The following RBFOX1 variants were observed in gnomAD, a reference collection of about 807,000 sequenced individuals.
The protein encoded by RBFOX1 is RNA binding fox-1 homolog 1.
RBFOX1 carries 8 observed loss-of-function variants against 57.7 expected under a neutral mutation model. The ratio of observed to expected loss-of-function variants is 0.14; its 90% CI spans 0.08 to 0.25. The LOEUF (loss-of-function observed/expected upper bound fraction) is 0.25. RBFOX1 is among the 10% of genes least tolerant of loss of function. The pLI is 1.00. For missense variants in RBFOX1, 611 were observed against 548.5 expected (o/e 1.11, Z -1.14); for synonymous variants, 326 against 222.4 (o/e 1.47, Z -4.15).
At chr16:6,218,113 A>G (rs2097347979) in intron 1 of RBFOX1, among the ~76,000 whole-genome samples, 2 of 152,180 alleles carry the variant, frequency 1.3e-5, no homozygotes, top group South Asian at 4.1e-4. Flanking sequence ...TGGTGCTGTT[A>G]GAATGAGTCC....
chr16:6,842,518 G>T (rs1282569197), intron 3 of RBFOX1, among the ~76,000 whole-genome samples: 1 of 151,976 alleles, frequency 6.6e-6, no homozygotes, highest in Non-Finnish European at 1.5e-5. Flanking sequence ...TTTTTATCCT[G>T]CCCTTTTCAG....
In RBFOX1 at chr16:5,366,610, A is replaced by G. The variant is rs532583442; in HGVS notation, c.220-100606A>G. On this transcript the variant is annotated intron_variant, in intron 1 of 2. Transcript: ENST00000585867. The stretch of plus-strand genomic sequence containing the variant: ...TTTTCCCAGAGAGGAAGCAAAGTTC[A>G]TCAATTATGTGAAGAATTGCTTCTG... 2.2e-5 allele frequency: 9 copies of G among 403,698 alleles called. No individual in the cohort carries two copies. In the East Asian group the frequency reaches 5.3e-4, roughly 24 times the overall value. 25.0% of individuals were successfully genotyped at this position (403,698 alleles called of 1,614,324 possible). A position where few individuals can be genotyped will look rare whatever the true frequency, so the allele number is the denominator to read the frequency against.
At chr16:5,350,221 C>G (rs1470530443) in intron 1 of RBFOX1, among the ~76,000 whole-genome samples, 1 of 152,158 alleles carries the variant, frequency 6.6e-6, no homozygotes, top group Non-Finnish European at 1.5e-5. Flanking sequence ...GTGGGAGCCC[C>G]TTTGCCATGA....
chr16:7,389,997 T>A (rs1285407256), intron 4 of RBFOX1, among the ~76,000 whole-genome samples: 3 of 152,146 alleles, frequency 2.0e-5, no homozygotes, highest in Admixed American at 6.5e-5. Context: ...GTACAGGCTC[T>A]GCTTCTGGGG....
intron 8 of RBFOX1, among the ~76,000 whole-genome samples, chr16:7,595,966 T>C (rs539507894): frequency 1.2e-4 from 18 of 151,722 alleles, no homozygotes; most frequent in Non-Finnish European, 1.8e-4. Context: ...ATAGACAGTA[T>C]TGCAAACCAA....
At chr16:5,534,833 A>G (rs903272167) in intron 2 of RBFOX1, among the ~76,000 whole-genome samples, 1 of 152,214 alleles carries the variant, frequency 6.6e-6, no homozygotes, top group Non-Finnish European at 1.5e-5. Flanking sequence ...TTGACACCTA[A>G]CATCAACTAT....
At chr16:5,839,863 C>T (rs1337414835) in intron 3 of RBFOX1, among the ~76,000 whole-genome samples, 3 of 152,192 alleles carry the variant, frequency 2.0e-5, no homozygotes, top group African/African-American at 7.2e-5. Flanking sequence ...AGTCATGCTT[C>T]TGCAGCTCAT....
chr16:6,813,826 C>A (rs1454759846), intron 3 of RBFOX1, among the ~76,000 whole-genome samples: 1 of 151,880 alleles, frequency 6.6e-6, no homozygotes, highest in Non-Finnish European at 1.5e-5. Context: ...GGAGGAGGCG[C>A]TGTTGATACC....
chr16:7,515,563 A>G (rs562184505), intron 4 of RBFOX1, among the ~76,000 whole-genome samples: 28 of 152,258 alleles, frequency 1.8e-4, no homozygotes, highest in Middle Eastern at 3.4e-3. Flanking sequence ...TCACTTCACA[A>G]TGTATACATA....
At chr16:6,941,117 T>C (rs370041098) in intron 3 of RBFOX1, among the ~76,000 whole-genome samples, 6 of 152,110 alleles carry the variant, frequency 3.9e-5, no homozygotes, top group African/African-American at 1.4e-4. Context: ...AGTTGGAATT[T>C]CATTTCAAGT....
At chr16:5,888,038 G>C (rs1004327314) in intron 4 of RBFOX1, among the ~76,000 whole-genome samples, 1 of 152,184 alleles carries the variant, frequency 6.6e-6, no homozygotes, top group African/African-American at 2.4e-5. Context: ...ATTCCTGCAA[G>C]ACAGCCTTCC....
At chr16:5,264,733 G>A (rs2062816689) in intron 1 of RBFOX1, among the ~76,000 whole-genome samples, 1 of 152,166 alleles carries the variant, frequency 6.6e-6, no homozygotes, top group South Asian at 2.1e-4. Context: ...GGTGCAGTGT[G>A]AGACTTCTAG....
chr16:6,527,532 C>T (rs773908882), intron 2 of RBFOX1, among the ~76,000 whole-genome samples: 9 of 152,126 alleles, frequency 5.9e-5, no homozygotes, highest in Non-Finnish European at 1.3e-4. Flanking sequence ...TCTGTCTGTT[C>T]ACTGCCTCAT....
chr16:7,545,594 C>A (rs1302603043), intron 5 of RBFOX1, among the ~76,000 whole-genome samples: 13 of 152,140 alleles, frequency 8.5e-5, no homozygotes, highest in Non-Finnish European at 1.9e-4. Context: ...TTTACTGAAC[C>A]CCAGCTCAGT....
chr16:5,740,219 T>G (rs1049848714), intron 3 of RBFOX1, among the ~76,000 whole-genome samples: 4 of 152,052 alleles, frequency 2.6e-5, no homozygotes, highest in Admixed American at 2.0e-4. Context: ...TTGGGGCCGG[T>G]GTTAACATTC....
Position 7,632,499 on chromosome 16 carries a change from A to G in RBFOX1, c.757+1816A>G, listed in dbSNP as rs556116986. 4.6e-5 allele frequency among the ~76,000 whole-genome samples: 7 copies of G among 152,340 alleles called. No homozygotes were observed. In the East Asian group the frequency reaches 1.4e-3, roughly 29 times the overall value. On this transcript the variant is annotated intron_variant, in intron 11 of 15. Coordinates refer to ENST00000550418, the MANE Select transcript of RBFOX1 (RefSeq NM_018723.4). Reference sequence around the variant, plus strand: ...TTTACAACTGAGGAAATGGAGGGCAATCCCAGAGCCAGTGTGTAATAGATT... The same window carrying G: ...TTTACAACTGAGGAAATGGAGGGCAGTCCCAGAGCCAGTGTGTAATAGATT...
At position 7,052,197 on chromosome 16, in the gene RBFOX1, G is replaced by C. The variant is rs1474776386; in HGVS notation, c.27+99G>C. The C allele has an allele frequency of 7.4e-6, 11 of 1,492,104 alleles. No homozygotes were observed. In the African/African-American group the frequency reaches 1.4e-4, roughly 19 times the overall value. The allele number at this position is 1,492,104 out of a possible 1,614,324, so 92.4% of individuals were successfully genotyped here. ...CCAAGACACGGGTTCTAAATAACAG[G>C]CTTCATCTTAAGACTGGTAGAGTTG... On this transcript the variant is annotated intron_variant, in intron 4 of 15. Coordinates refer to ENST00000550418, the MANE Select transcript of RBFOX1 (RefSeq NM_018723.4).
At chr16:7,057,955 C>T (rs1010091699) in intron 4 of RBFOX1, among the ~76,000 whole-genome samples, 15 of 138,456 alleles carry the variant, frequency 1.1e-4, no homozygotes, top group Non-Finnish European at 6.1e-5. Context: ...TTGCAGTGAG[C>T]AGAGATCATG....
At chr16:7,278,295 G>A (rs560514930) in intron 4 of RBFOX1, among the ~76,000 whole-genome samples, 11 of 152,272 alleles carry the variant, frequency 7.2e-5, no homozygotes, top group Non-Finnish European at 1.3e-4. Flanking sequence ...CATGTGTTCC[G>A]TAATGCTTAA....
Sources: allele counts gnomAD v4.1 joint callset (sites outside exome capture counted in the v4.1 genomes callset), GRCh38; gene constraint gnomAD v4.1.1; transcripts MANE v1.5; gene names NCBI Gene and HGNC (gene_info 2026-07-23, HGNC 2026-07-21).